EYA1: variants seen among roughly 807,000 people sequenced by gnomAD.
EYA1 encodes the protein EYA transcriptional coactivator and phosphatase 1.
In EYA1, 16 loss-of-function variants were observed where a neutral mutation model predicts 82.0. The observed-to-expected ratio is 0.20, with a 90% CI of 0.13 to 0.30. The LOEUF (loss-of-function observed/expected upper bound fraction) is 0.30, where lower values mean the gene tolerates loss of function less well. Among genes scored for constraint, EYA1 ranks in the 10% least tolerant of loss-of-function variants. EYA1 has a pLI of 1.00. For synonymous variants in EYA1, 261 were observed against 264.4 expected, an observed-to-expected ratio of 0.99 and a Z score of 0.12; for missense variants, 633 against 730.7, an observed-to-expected ratio of 0.87 and a Z score of 1.54.
At chr8:71,520,715 C>T (rs76952702) in intron 2 of EYA1, among the ~76,000 whole-genome samples, 7,296 of 152,208 alleles carry the variant, frequency 0.048, 580 homozygotes, top group African/African-American at 0.16. Flanking sequence ...TCTAGCTCCT[C>T]ATCAACTTTT....
chr8:71,483,494 T>G (rs1810331731), intron 2 of EYA1, among the ~76,000 whole-genome samples: 1 of 152,140 alleles, frequency 6.6e-6, no homozygotes, highest in African/African-American at 2.4e-5. Context: ...GTTTAACAAT[T>G]TTTTAACATG....
chr8:71,260,810 T>C (rs1158694597), intron 11 of EYA1, among the ~76,000 whole-genome samples: 1 of 152,240 alleles, frequency 6.6e-6, no homozygotes, highest in Non-Finnish European at 1.5e-5. Context: ...TGAGATTTAT[T>C]CGTCCATGTG....
At chr8:71,533,781 G>T (rs1814485561) in intron 2 of EYA1, among the ~76,000 whole-genome samples, 1 of 152,158 alleles carries the variant, frequency 6.6e-6, no homozygotes, top group East Asian at 1.9e-4. Context: ...GCAGTCAGCT[G>T]CCAAATTGCC....
At chr8:71,451,864 T>A (rs1807406880) in intron 2 of EYA1, among the ~76,000 whole-genome samples, 1 of 152,190 alleles carries the variant, frequency 6.6e-6, no homozygotes, top group Non-Finnish European at 1.5e-5. Context: ...ACGGGTGATT[T>A]CTGCATTTCC....
rs569000460 is a variant in EYA1 at position 71,352,681 on chromosome 8, A to C, written c.124+2101T>G. Among the ~76,000 whole-genome samples the C allele has an allele frequency of 3.9e-5, 6 of 152,350 alleles. No homozygotes were observed. The South Asian group carries it at 1.0e-3, about 26-fold the overall frequency. On this transcript the variant is annotated intron_variant, in intron 3 of 17. Transcript: ENST00000340726. ...TGTATTTTCCAGTTTGGTTGAGGAG[A>C]TCACATAATTACCTAAAATGTTTTA...
At chr8:71,249,983 G>A (rs772314434) in intron 11 of EYA1, among the ~76,000 whole-genome samples, 9 of 151,374 alleles carry the variant, frequency 5.9e-5, no homozygotes, top group Non-Finnish European at 1.0e-4. Flanking sequence ...TCTGTCACTC[G>A]GACCATAAAT....
intron 12 of EYA1, among the ~76,000 whole-genome samples, chr8:71,233,370 C>T (rs1811440296): frequency 1.3e-5 from 2 of 152,006 alleles, no homozygotes; most frequent in South Asian, 2.1e-4. Context: ...CGAGACCATC[C>T]TGGCTAACAC....
chr8:71,401,969 C>A (rs1308459770), intron 2 of EYA1, among the ~76,000 whole-genome samples: 12 of 152,204 alleles, frequency 7.9e-5, no homozygotes, highest in Admixed American at 7.9e-4. Context: ...TATCTCTGAC[C>A]GTAAGAACTG....
intron 2 of EYA1, among the ~76,000 whole-genome samples, chr8:71,394,900 G>C (rs945392085): frequency 1.3e-5 from 2 of 152,086 alleles, no homozygotes; most frequent in Non-Finnish European, 2.9e-5. Flanking sequence ...CCATTTTCAC[G>C]ATATTGATTC....
intron 2 of EYA1, chr8:71,403,415 T>C (rs1482121009): frequency 2.0e-5 from 3 of 152,218 alleles, no homozygotes; most frequent in East Asian, 1.9e-4. Flanking sequence ...AGGATGCTGG[T>C]GGAGGTGAAA....
At chr8:71,359,848 C>T (rs1827217142) in intron 1 of EYA1, among the ~76,000 whole-genome samples, 1 of 151,960 alleles carries the variant, frequency 6.6e-6, no homozygotes, top group Non-Finnish European at 1.5e-5. Context: ...CCTGAGTACT[C>T]CCAAATTTGA....
intron 3 of EYA1, among the ~76,000 whole-genome samples, chr8:71,339,706 C>T (rs1412800410): frequency 6.6e-6 from 1 of 152,272 alleles, no homozygotes; most frequent in South Asian, 2.1e-4. Context: ...CAGGGTTTAA[C>T]CTATTTTACC....
At chr8:71,474,159 G>T (rs146492163) in intron 2 of EYA1, among the ~76,000 whole-genome samples, 2,634 of 147,606 alleles carry the variant, frequency 0.018, 27 homozygotes, top group Non-Finnish European at 0.028. Context: ...TAACAAACCT[G>T]CACGTTCTGC....
chr8:71,397,321 T>G (rs1734007847), intron 2 of EYA1, among the ~76,000 whole-genome samples: 1 of 152,242 alleles, frequency 6.6e-6, no homozygotes, highest in Non-Finnish European at 1.5e-5. Context: ...GTGAACTTGA[T>G]CCTGTCATTA....
At chr8:71,545,113 G>C (rs1815441547) in intron 1 of EYA1, among the ~76,000 whole-genome samples, 1 of 152,226 alleles carries the variant, frequency 6.6e-6, no homozygotes, top group Admixed American at 6.5e-5. Context: ...AGGGATTTGA[G>C]TCTGTAACTC....
intron 2 of EYA1, chr8:71,470,902 C>A: frequency 2.2e-6 from 1 of 454,428 alleles, no homozygotes; most frequent in South Asian, 1.6e-5. Flanking sequence ...CTCCAAATGT[C>A]GTAACATATT....
At chr8:71,292,449 A>T (rs764236168) in intron 9 of EYA1, among the ~76,000 whole-genome samples, 65 of 151,958 alleles carry the variant, frequency 4.3e-4, no homozygotes, top group Non-Finnish European at 8.5e-4. Context: ...ACAGTCTTTG[A>T]TTGAACAAGG....
chr8:71,500,749 GTT>G (rs1237375711), intron 2 of EYA1, among the ~76,000 whole-genome samples: 1 of 152,052 alleles, frequency 6.6e-6, no homozygotes, highest in Admixed American at 6.6e-5. Flanking sequence ...CAGCATATGA[GTT>G]TTTATGCACA....
At chr8:71,208,833 T>C (rs1382260881) in intron 17 of EYA1, among the ~76,000 whole-genome samples, 1 of 152,256 alleles carries the variant, frequency 6.6e-6, no homozygotes, top group Admixed American at 6.5e-5. Flanking sequence ...CTTTGTTTTT[T>C]TCCATGTTGT....
Sources: gnomAD v4.1 joint callset for allele counts (sites outside exome capture counted in the v4.1 genomes callset) on GRCh38, gnomAD v4.1.1 for gene constraint, MANE v1.5 for transcripts, NCBI Gene and HGNC (gene_info 2026-07-23, HGNC 2026-07-21) for gene names.